The following MAGI1 variants were observed in gnomAD, a reference collection of about 807,000 sequenced individuals.
The protein encoded by MAGI1 is membrane-associated guanylate kinase, WW and PDZ domain-containing protein 1.
MAGI1 carries 58 observed loss-of-function variants against 139.9 expected under a neutral mutation model. That is an observed-to-expected ratio of 0.41 (90% CI 0.34 to 0.52). The LOEUF (loss-of-function observed/expected upper bound fraction) is 0.52. Ranked by LOEUF, MAGI1 falls within the 20% of genes least tolerant of loss-of-function variation. The pLI is 0.12. For synonymous variants in MAGI1, 812 were observed against 737.9 expected (o/e 1.10, Z -1.63); for missense variants, 1,874 against 1,901.6 (o/e 0.99, Z 0.27).
chr3:65,700,759 A>C (rs1015943186), intron 1 of MAGI1, among the ~76,000 whole-genome samples: 3 of 152,198 alleles, frequency 2.0e-5, no homozygotes, highest in Non-Finnish European at 4.4e-5. Context: ...GAAAATGTGA[A>C]TCTCTAACAG....
chr3:65,597,707 C>A (rs948708248), intron 2 of MAGI1: 2 of 456,554 alleles, frequency 4.4e-6, no homozygotes, highest in Non-Finnish European at 8.8e-6. Context: ...CCTCTGCCGC[C>A]GCCTGCCTGT....
intron 2 of MAGI1, among the ~76,000 whole-genome samples, chr3:65,539,873 G>A (rs566702571): frequency 6.6e-6 from 1 of 152,294 alleles, no homozygotes; most frequent in East Asian, 1.9e-4. Flanking sequence ...ACCTGGGAGA[G>A]CACTAACCCT....
intron 1 of MAGI1, among the ~76,000 whole-genome samples, chr3:65,630,506 ATATCTAT>A (rs1166186447): frequency 6.6e-6 from 1 of 152,170 alleles, no homozygotes; most frequent in Non-Finnish European, 1.5e-5. Flanking sequence ...GAAAAATGTG[ATATCTAT>A]ACACCATGGA....
intron 1 of MAGI1, among the ~76,000 whole-genome samples, chr3:65,898,431 C>A (rs2061074170): frequency 6.6e-6 from 1 of 152,122 alleles, no homozygotes; most frequent in South Asian, 2.1e-4. Context: ...TAAATGCACA[C>A]AGGCTTGTTC....
At chr3:65,747,109 T>G (rs2035774086) in intron 1 of MAGI1, among the ~76,000 whole-genome samples, 1 of 152,198 alleles carries the variant, frequency 6.6e-6, no homozygotes, top group African/African-American at 2.4e-5. Context: ...AAAGCCAGCC[T>G]GAGCAACAAA....
intron 2 of MAGI1, among the ~76,000 whole-genome samples, chr3:65,516,799 C>T (rs1377858744): frequency 7.5e-6 from 1 of 132,582 alleles, no homozygotes; most frequent in Non-Finnish European, 1.5e-5. Context: ...GGGATCTCGG[C>T]TCACTGCAAG....
chr3:65,665,927 G>A (rs903083026), intron 1 of MAGI1, among the ~76,000 whole-genome samples: 7 of 152,164 alleles, frequency 4.6e-5, no homozygotes, highest in South Asian at 4.2e-4. Context: ...ACCATAGAGC[G>A]CCTTACAGTT....
chr3:65,453,500 A>G (rs9824280), intron 5 of MAGI1, among the ~76,000 whole-genome samples, 160 bp from the exon 6 acceptor site: 37,889 of 152,060 alleles, frequency 0.25, 5,057 homozygotes, highest in African/African-American at 0.32. Context: ...TGAGTTTACA[A>G]TTATAAAATG....
intron 1 of MAGI1, among the ~76,000 whole-genome samples, chr3:65,936,954 ATGGTGGTGGTGG>A (rs1191208437): frequency 1.1e-4 from 17 of 148,240 alleles, no homozygotes; most frequent in African/African-American, 4.0e-4. Flanking sequence ...GGTGATGGTG[ATGGTGGTGGTGG>A]TGGTGATGGT....
intron 1 of MAGI1, among the ~76,000 whole-genome samples, chr3:65,846,976 C>CAAAAAAAAAAA (rs58391331): frequency 0.017 from 1,359 of 80,890 alleles, 116 homozygotes; most frequent in African/African-American, 0.05. Context: ...CAATGTCTTA[C>CAAAAAAAAAAA]AAAAAAAAAA....
intron 1 of MAGI1, among the ~76,000 whole-genome samples, chr3:65,719,017 CAAAAA>C (rs57290579): frequency 2.1e-4 from 20 of 96,390 alleles, no homozygotes; most frequent in Non-Finnish European, 3.8e-4. Context: ...ATAACCCTAC[CAAAAA>C]AAAAAAAAAA....
chr3:65,522,692 G>C (rs2078217061), intron 2 of MAGI1, among the ~76,000 whole-genome samples: 1 of 152,144 alleles, frequency 6.6e-6, no homozygotes, highest in Non-Finnish European at 1.5e-5. Flanking sequence ...CAGTACTCAA[G>C]ACTTCAATTT....
rs541290261 is a variant in MAGI1 at position 65,875,746 on chromosome 3, TGAA to T, written c.313+162247_313+162249del. Among the ~76,000 whole-genome samples, 32 of 152,296 alleles carry T rather than the reference TGAA, an allele frequency of 2.1e-4. 1 individual carries two copies. The South Asian group carries it at 6.2e-3, about 30-fold the overall frequency. ...TAGTGACCACAGCCTAACATAATAA[TGAA>T]GAAGAAGATAAAGGAATAATAACAG... On this transcript the variant is annotated intron_variant, in intron 1 of 22. Transcript: ENST00000402939.
At chr3:65,900,333 T>C (rs548498742) in intron 1 of MAGI1, among the ~76,000 whole-genome samples, 1 of 152,234 alleles carries the variant, frequency 6.6e-6, no homozygotes, top group South Asian at 2.1e-4. Context: ...CTCACTACAA[T>C]GAACATGATG....
At chr3:66,020,485 TGAGA>T (rs1273194412) in intron 1 of MAGI1, among the ~76,000 whole-genome samples, 1 of 152,140 alleles carries the variant, frequency 6.6e-6, no homozygotes, top group African/African-American at 2.4e-5. Context: ...ACAGCAGCTC[TGAGA>T]GAATCAAGGC....
chr3:65,379,276 C>T lies in MAGI1; in HGVS notation c.2980G>A (p.Ala994Thr). The T allele has an allele frequency of 1.2e-6, 2 of 1,612,546 alleles. No individual in the cohort carries two copies. Among genetic ancestry groups the T allele is most frequent in the Middle Eastern group, 1.6e-4 (1 of 6,062 alleles). ...CAGCACTCACCAAAGGTCGTGCCTG[C>T]TTCGGGCCTGCTCACCGAGGACACG... ...VIVSSVSRPE[A>T]GTTFGNACVA... is the part of the protein sequence containing the mutation. The change falls in exon 17 of 23, where the codon GCA (alanine) becomes ACA (threonine). Residue 994 changes from alanine to threonine, a missense_variant. Physicochemically the swap from Ala to Thr is moderately conservative, Grantham distance 58. Coordinates refer to ENST00000402939, the MANE Select transcript of MAGI1 (RefSeq NM_001033057.2).
intron 1 of MAGI1, among the ~76,000 whole-genome samples, chr3:66,021,040 C>T (rs922307057): frequency 1.3e-5 from 2 of 152,186 alleles, no homozygotes; most frequent in Non-Finnish European, 1.5e-5. Context: ...TCACTCCAAC[C>T]GTGTCTTGGA....
rs558211989 is a variant in MAGI1, at chr3:65,969,069, G to A, written c.313+68927C>T. Among the ~76,000 whole-genome samples, 26 of 152,308 alleles carry A rather than the reference G, an allele frequency of 1.7e-4. 1 individual carries two copies. Among genetic ancestry groups the A allele is most frequent in the Non-Finnish European group, 1.3e-4 (9 of 68,038 alleles). ...ACACTCAGCTCAGAGTAATTCAAGC[G>A]AAAGAGTAAAGTTATTATCATACTG... is the stretch of plus-strand genomic sequence containing the variant. On this transcript the variant is annotated intron_variant, in intron 1 of 22. Transcript: ENST00000402939.
chr3:65,892,026 A>T (rs2060792755), intron 1 of MAGI1, among the ~76,000 whole-genome samples: 1 of 148,740 alleles, frequency 6.7e-6, no homozygotes, highest in Non-Finnish European at 1.5e-5. Context: ...CCCCTCCCAT[A>T]TTGTTCTAAA....
Sources: allele counts gnomAD v4.1 joint callset (sites outside exome capture counted in the v4.1 genomes callset), GRCh38; gene constraint gnomAD v4.1.1; transcripts MANE v1.5; gene names NCBI Gene and HGNC (gene_info 2026-07-23, HGNC 2026-07-21).